Variants in MALRD1 observed in about 807,000 individuals in gnomAD.
The protein encoded by MALRD1 is MAM and LDL-receptor class A domain-containing protein 1.
A neutral mutation model predicts 242.1 loss-of-function variants in MALRD1; 247 were observed. That is an observed-to-expected ratio of 1.02 (90% CI 0.92 to 1.13). The LOEUF is 1.13. Among genes scored for constraint, MALRD1 ranks in the 50% most tolerant of loss-of-function variants. The pLI is 0.00. For synonymous variants in MALRD1, 995 were observed against 866.6 expected (o/e 1.15, Z -2.60); for missense variants, 2,989 against 2,533.1 (o/e 1.18, Z -3.86).
At chr10:19,556,026 A>G (rs964398983) in intron 32 of MALRD1, among the ~76,000 whole-genome samples, 2 of 152,280 alleles carry the variant, frequency 1.3e-5, no homozygotes, top group Non-Finnish European at 2.9e-5. Flanking sequence ...AAGGCAACTC[A>G]GTAAACCAAA....
At chr10:19,518,114 G>A (rs1035619429) in intron 31 of MALRD1, among the ~76,000 whole-genome samples, 4 of 152,134 alleles carry the variant, frequency 2.6e-5, no homozygotes, top group African/African-American at 7.2e-5. Flanking sequence ...GTCATTAGTT[G>A]CCTGCCTGTG....
intron 2 of MALRD1, among the ~76,000 whole-genome samples, chr10:19,078,604 A>G (rs1835390502): frequency 1.3e-5 from 2 of 151,772 alleles, no homozygotes; most frequent in African/African-American, 4.8e-5. Flanking sequence ...TATTAGTGTT[A>G]ATCATTTAAA....
At chr10:19,237,797 A>G (rs1327038383) in intron 18 of MALRD1, among the ~76,000 whole-genome samples, 1 of 103,706 alleles carries the variant, frequency 9.6e-6, no homozygotes, top group Non-Finnish European at 1.8e-5. Context: ...AATTTTATAT[A>G]TAATTATAAT....
chr10:19,086,242 A>C (rs966882154), intron 2 of MALRD1, among the ~76,000 whole-genome samples: 10 of 152,176 alleles, frequency 6.6e-5, no homozygotes, highest in Non-Finnish European at 1.5e-4. Context: ...TTTCTTCCTT[A>C]GGTCTCATAA....
chr10:19,503,868 G>A (rs1232799143), intron 31 of MALRD1, among the ~76,000 whole-genome samples: 4 of 151,326 alleles, frequency 2.6e-5, no homozygotes, highest in African/African-American at 9.8e-5. Context: ...TTTCCTGAGT[G>A]CTTACTAAAT....
At chr10:19,126,193 T>C (rs1837277424) in intron 7 of MALRD1, among the ~76,000 whole-genome samples, 1 of 152,132 alleles carries the variant, frequency 6.6e-6, no homozygotes, top group Non-Finnish European at 1.5e-5. Flanking sequence ...ATCTTTGTTA[T>C]TTGAAAATTT....
At chr10:19,154,473 C>T (rs1234085345) in intron 11 of MALRD1, among the ~76,000 whole-genome samples, 1 of 152,122 alleles carries the variant, frequency 6.6e-6, no homozygotes, top group Non-Finnish European at 1.5e-5. Context: ...TGAAACTACC[C>T]CAGACAGCAG....
chr10:19,589,562 C>G (rs1837651076), intron 33 of MALRD1, among the ~76,000 whole-genome samples: 1 of 152,180 alleles, frequency 6.6e-6, no homozygotes, highest in African/African-American at 2.4e-5. Flanking sequence ...TCTCTTTGTT[C>G]TTCTCACCCC....
chr10:19,697,804 C>T (rs1047509840), intron 38 of MALRD1, among the ~76,000 whole-genome samples: 5 of 152,086 alleles, frequency 3.3e-5, no homozygotes, highest in Admixed American at 2.6e-4. Flanking sequence ...CTTTCTTTGC[C>T]AGGCTCTACT....
chr10:19,249,034 AACAT>A (rs1040471403), intron 18 of MALRD1, among the ~76,000 whole-genome samples: 11 of 147,898 alleles, frequency 7.4e-5, no homozygotes, highest in African/African-American at 2.2e-4. Context: ...TATAAATTAA[AACAT>A]ACACATATGT....
intron 2 of MALRD1, among the ~76,000 whole-genome samples, chr10:19,081,039 A>G (rs1024034599): frequency 1.4e-4 from 22 of 152,202 alleles, no homozygotes; most frequent in African/African-American, 5.1e-4. Flanking sequence ...ATTAGTAGAG[A>G]AATGCAAATC....
At chr10:19,433,216 G>A (rs1039352595) in intron 28 of MALRD1, among the ~76,000 whole-genome samples, 3 of 152,234 alleles carry the variant, frequency 2.0e-5, no homozygotes, top group Non-Finnish European at 4.4e-5. Flanking sequence ...TGCTCGCAGA[G>A]TGTATGGCAG....
intron 36 of MALRD1, among the ~76,000 whole-genome samples, chr10:19,660,529 G>C (rs1054148037): frequency 7.9e-5 from 12 of 152,094 alleles, no homozygotes; most frequent in Non-Finnish European, 1.6e-4. Flanking sequence ...ACAGTCATCA[G>C]GCACCATGTT....
chr10:19,733,073 C>T (rs1353106837), intron 39 of MALRD1, among the ~76,000 whole-genome samples: 1 of 152,058 alleles, frequency 6.6e-6, no homozygotes, highest in South Asian at 2.1e-4. Flanking sequence ...TCTACTTTCC[C>T]CATCATCAGA....
intron 33 of MALRD1, among the ~76,000 whole-genome samples, chr10:19,590,150 C>G (rs1278304135): frequency 2.0e-5 from 3 of 151,592 alleles, no homozygotes; most frequent in African/African-American, 7.3e-5. Flanking sequence ...GCTACATTCT[C>G]AAATAAATTT....
intron 32 of MALRD1, among the ~76,000 whole-genome samples, chr10:19,550,112 A>G (rs995891557): frequency 1.3e-5 from 2 of 152,160 alleles, no homozygotes; most frequent in East Asian, 1.9e-4. Context: ...AAGAAAGGTG[A>G]AAAAAAGACA....
intron 1 of MALRD1, among the ~76,000 whole-genome samples, chr10:19,054,759 G>A (rs1364046142): frequency 6.6e-6 from 1 of 152,110 alleles, no homozygotes; most frequent in Non-Finnish European, 1.5e-5. Context: ...GACTGATAGT[G>A]TTTCACTGTG....
intron 33 of MALRD1, among the ~76,000 whole-genome samples, chr10:19,589,668 A>C (rs753518639): frequency 2.0e-5 from 3 of 152,160 alleles, no homozygotes; most frequent in Non-Finnish European, 4.4e-5. Flanking sequence ...ATAATGAGTC[A>C]TCTTGTCAAA....
chr10:19,221,925 C>A (rs552154768), intron 18 of MALRD1, among the ~76,000 whole-genome samples: 19 of 151,950 alleles, frequency 1.3e-4, no homozygotes, highest in Non-Finnish European at 2.6e-4. Context: ...CAAGAAAACA[C>A]GTGGATTTGT....
Sources: gnomAD v4.1 joint callset for allele counts (sites outside exome capture counted in the v4.1 genomes callset) on GRCh38, gnomAD v4.1.1 for gene constraint, MANE v1.5 for transcripts, NCBI Gene and HGNC (gene_info 2026-07-23, HGNC 2026-07-21) for gene names.